DMD: variants seen among roughly 807,000 people sequenced by gnomAD.
DMD encodes the protein dystrophin.
DMD carries 63 observed loss-of-function variants against 330.1 expected under a neutral mutation model. The observed-to-expected ratio is 0.19, with a 90% CI of 0.16 to 0.24. DMD has a LOEUF of 0.24. Ranked by LOEUF, DMD falls within the 10% of genes least tolerant of loss-of-function variation. The pLI is 1.00. For missense variants in DMD, 3,344 were observed against 2,684.1 expected (o/e 1.25, Z -5.43); for synonymous variants, 1,223 against 959.8 (o/e 1.27, Z -5.07).
intron 17 of DMD, among the ~76,000 whole-genome samples, chrX:32,544,053 A>G (rs2048737814): frequency 8.9e-6 from 1 of 111,824 alleles, no homozygotes; most frequent in Non-Finnish European, 1.9e-5. Flanking sequence ...ACGTAAAAAC[A>G]CTTCTTGGCT....
At chrX:31,335,245 T>G (rs1008608053) in intron 61 of DMD, among the ~76,000 whole-genome samples, 4 of 112,422 alleles carry the variant, frequency 3.6e-5, no homozygotes, top group Admixed American at 1.9e-4. Flanking sequence ...AATCAATTCT[T>G]AACTGACTGA....
At chrX:32,875,016 A>G (rs1000267220) in intron 2 of DMD, among the ~76,000 whole-genome samples, 2 of 112,264 alleles carry the variant, frequency 1.8e-5, no homozygotes, top group African/African-American at 3.2e-5. Context: ...AATAAGCTGA[A>G]CACGGCTGAA....
intron 53 of DMD, among the ~76,000 whole-genome samples, chrX:31,674,975 A>G (rs1333012403): frequency 8.9e-6 from 1 of 112,683 alleles, no homozygotes; most frequent in Non-Finnish European, 1.9e-5. Context: ...TTTGATTAGA[A>G]TGAAAATCTT....
At chrX:32,568,920 G>T (rs1021221963) in intron 15 of DMD, among the ~76,000 whole-genome samples, 3 of 111,976 alleles carry the variant, frequency 2.7e-5, no homozygotes, top group Non-Finnish European at 5.6e-5. Flanking sequence ...ACTATGATTT[G>T]TTACTAATTA....
intron 1 of DMD, among the ~76,000 whole-genome samples, chrX:33,208,908 C>T (rs757632023): frequency 9.0e-6 from 1 of 111,076 alleles, no homozygotes; most frequent in Non-Finnish European, 1.9e-5. Flanking sequence ...TTTTGAAAAA[C>T]ACCTGATGTT....
chrX:31,832,208 AT>A (rs1296519488), intron 49 of DMD, among the ~76,000 whole-genome samples: 2 of 112,315 alleles, frequency 1.8e-5, no homozygotes, highest in Non-Finnish European at 3.8e-5. Flanking sequence ...AATTATATTT[AT>A]TTCGGCAACA....
chrX:33,000,550 GA>G (rs1466011553), intron 2 of DMD, among the ~76,000 whole-genome samples: 1 of 111,721 alleles, frequency 9.0e-6, no homozygotes, highest in African/African-American at 3.3e-5. Flanking sequence ...AATATTCTAA[GA>G]CCCCTCTATA....
chrX:32,559,769 C>T, intron 16 of DMD, among the ~76,000 whole-genome samples: 1 of 112,062 alleles, frequency 8.9e-6, no homozygotes, highest in Middle Eastern at 4.6e-3. Context: ...TCATTTACAG[C>T]TATGTTTTAT....
At chrX:33,093,004 G>A (rs1395927470) in intron 1 of DMD, among the ~76,000 whole-genome samples, 2 of 110,875 alleles carry the variant, frequency 1.8e-5, no homozygotes, top group African/African-American at 6.6e-5. Context: ...CTCCCAAGTA[G>A]CTAGGATTAT....
At position 31,478,314 on chromosome X, in the gene DMD, T is replaced by A. The variant is rs41305353; in HGVS notation, c.8729A>T (p.Glu2910Val). 17,601 of 1,209,357 alleles carry A rather than the reference T, an allele frequency of 0.015. 183 individuals carry two copies. Among genetic ancestry groups the A allele is most frequent in the African/African-American group, 0.068 (3,868 of 56,978 alleles). Residue 2910 changes from glutamate to valine, a missense_variant, in exon 59 of 79, where the codon GAG becomes GTG. Coordinates refer to ENST00000357033, the MANE Select transcript of DMD (RefSeq NM_004006.3). The stretch of plus-strand genomic sequence containing the variant: ...CAATTTTTCCCACTCAGTATTGACC[T>A]CCTCAGCCTGCTTTCGTAGAAGCCG... ...VTRLLRKQAEEVNTEWEKLNL... is the reference protein window; with the variant it reads ...VTRLLRKQAEVVNTEWEKLNL...
intron 27 of DMD, among the ~76,000 whole-genome samples, chrX:32,441,610 AGCATATGTAAAAAT>A (rs1012308553): frequency 3.6e-5 from 4 of 111,675 alleles, no homozygotes; most frequent in African/African-American, 1.3e-4. Context: ...GAAAAATAAA[AGCATATGTAAAAAT>A]GCATATGTAA....
intron 44 of DMD, 124 bp from the exon 45 acceptor site, chrX:31,968,638 T>C (rs2095371975): frequency 1.3e-6 from 1 of 769,007 alleles, no homozygotes; most frequent in African/African-American, 2.1e-5. Context: ...AAGCTCCATG[T>C]GAAAATTTCC....
intron 51 of DMD, among the ~76,000 whole-genome samples, chrX:31,744,763 C>T (rs1327903570): frequency 8.9e-6 from 1 of 112,213 alleles, no homozygotes; most frequent in Non-Finnish European, 1.9e-5. Context: ...GTAGAAATTC[C>T]AGATACAAGA....
chrX:32,902,838 T>C (rs1471507986), intron 2 of DMD, among the ~76,000 whole-genome samples: 1 of 110,432 alleles, frequency 9.1e-6, no homozygotes, highest in African/African-American at 3.4e-5. Flanking sequence ...GGAAATTTTC[T>C]AAATTAAAAA....
intron 60 of DMD, among the ~76,000 whole-genome samples, chrX:31,442,464 C>T (rs2065016028): frequency 9.0e-6 from 1 of 110,657 alleles, no homozygotes; most frequent in Non-Finnish European, 1.9e-5. Context: ...TAAAGAATGG[C>T]TACATAGTAA....
chrX:32,062,589 T>C lies in DMD; in HGVS notation c.6439-94075A>G, dbSNP rs1310695667. Among the ~76,000 whole-genome samples the C allele has an allele frequency of 2.7e-5, 3 of 111,317 alleles. No individual in the cohort carries two copies. In the East Asian group the frequency reaches 8.5e-4, roughly 31 times the overall value. On this transcript the variant is annotated intron_variant, in intron 44 of 78. Transcript: ENST00000357033. ...TGTATCAGCTCTTTATACAATACTA[T>C]TTTTAATTTGTTTTAATGAGCATGT... is the stretch of plus-strand genomic sequence containing the variant.
intron 1 of DMD, among the ~76,000 whole-genome samples, chrX:33,145,378 T>C (rs765680161): frequency 2.7e-4 from 30 of 111,895 alleles, no homozygotes; most frequent in African/African-American, 9.4e-4. Flanking sequence ...CTGGAATAAC[T>C]ACCCAATCAC....
At chrX:31,783,341 C>T (rs1344470888) in intron 50 of DMD, among the ~76,000 whole-genome samples, 1 of 111,666 alleles carries the variant, frequency 9.0e-6, no homozygotes, top group Non-Finnish European at 1.9e-5. Flanking sequence ...GTGTTTTCTA[C>T]AGAATTCAGT....
intron 9 of DMD, among the ~76,000 whole-genome samples, chrX:32,670,630 C>T (rs1443921375): frequency 8.9e-6 from 1 of 111,775 alleles, no homozygotes; most frequent in African/African-American, 3.2e-5. Flanking sequence ...ACAGTGATAA[C>T]ATGTATATGT....
Sources: gnomAD v4.1 joint callset for allele counts (sites outside exome capture counted in the v4.1 genomes callset) on GRCh38, gnomAD v4.1.1 for gene constraint, MANE v1.5 for transcripts, NCBI Gene and HGNC (gene_info 2026-07-23, HGNC 2026-07-21) for gene names.